Variants in ELAVL4 observed in about 807,000 individuals in gnomAD.
The protein encoded by ELAVL4 is ELAV like RNA binding protein 4.
A neutral mutation model predicts 35.6 loss-of-function variants in ELAVL4; 1 was observed. The observed-to-expected ratio is 0.03, with a 90% CI of 0.01 to 0.13. The LOEUF (loss-of-function observed/expected upper bound fraction) is 0.13, where lower values mean the gene tolerates loss of function less well. Ranked by LOEUF, ELAVL4 falls within the 10% of genes least tolerant of loss-of-function variation. The pLI is 1.00. For synonymous variants in ELAVL4, 156 were observed against 171.0 expected (o/e 0.91, Z 0.69); for missense variants, 267 against 464.9 (o/e 0.57, Z 3.91).
At chr1:50,181,421 T>A (rs187777617) in intron 3 of ELAVL4, 1 of 152,440 alleles carries the variant, frequency 6.6e-6, no homozygotes, top group African/African-American at 2.4e-5. Context: ...CTGTGCTAGG[T>A]CCTCGGATTT....
At chr1:50,174,845 G>A (rs1679708580) in intron 2 of ELAVL4, 1 of 152,082 alleles carries the variant, frequency 6.6e-6, no homozygotes, top group African/African-American at 2.4e-5. Flanking sequence ...AGTGTGTCAG[G>A]AGCATGTACC....
intron 3 of ELAVL4, among the ~76,000 whole-genome samples, chr1:50,189,016 G>A (rs1682258859): frequency 6.6e-6 from 1 of 152,128 alleles, no homozygotes; most frequent in Non-Finnish European, 1.5e-5. Context: ...CCCAGGGCCT[G>A]GCACATAGTA....
intron 1 of ELAVL4, among the ~76,000 whole-genome samples, chr1:50,062,036 G>C (rs903540020): frequency 3.3e-5 from 5 of 152,180 alleles, no homozygotes; most frequent in Non-Finnish European, 7.3e-5. Context: ...AGGTGTCACA[G>C]CCAAGTGAGT....
chr1:50,167,535 C>A (rs1414070652), intron 2 of ELAVL4, among the ~76,000 whole-genome samples: 1 of 152,166 alleles, frequency 6.6e-6, no homozygotes, highest in Non-Finnish European at 1.5e-5. Flanking sequence ...CGGCTAATCA[C>A]CCCGAGGAAT....
At chr1:50,113,830 A>G (rs1320888620) in intron 1 of ELAVL4, among the ~76,000 whole-genome samples, 2 of 152,070 alleles carry the variant, frequency 1.3e-5, no homozygotes, top group Non-Finnish European at 2.9e-5. Flanking sequence ...AGAAGCAGAG[A>G]GACTCTGTGT....
intron 2 of ELAVL4, chr1:50,174,400 G>A (rs1679598257): frequency 6.6e-6 from 1 of 151,882 alleles, no homozygotes; most frequent in Non-Finnish European, 1.5e-5. Context: ...TTCTGTTTTA[G>A]AGCTTGAAGT....
At chr1:50,114,502 A>C (rs1465459275) in intron 1 of ELAVL4, among the ~76,000 whole-genome samples, 1 of 152,104 alleles carries the variant, frequency 6.6e-6, no homozygotes, top group Non-Finnish European at 1.5e-5. Context: ...GGGAGTCACA[A>C]GCAGTAATTG....
intron 3 of ELAVL4, chr1:50,180,569 A>C (rs1680870033): frequency 6.6e-6 from 1 of 152,206 alleles, no homozygotes. Context: ...GAAGCATGCA[A>C]TCTAGGCATC....
At chr1:50,172,481 C>T (rs1347035404) in intron 2 of ELAVL4, among the ~76,000 whole-genome samples, 4 of 152,058 alleles carry the variant, frequency 2.6e-5, no homozygotes, top group African/African-American at 4.8e-5. Context: ...TGATCTAGAT[C>T]GGAAGATAAC....
intron 1 of ELAVL4, among the ~76,000 whole-genome samples, chr1:50,096,450 G>T (rs113095791): frequency 1.3e-5 from 2 of 149,866 alleles, no homozygotes; most frequent in South Asian, 4.3e-4. Flanking sequence ...GAGAATAGAT[G>T]GTCATATCTA....
At chr1:50,059,523 TA>T (rs974650608) in intron 1 of ELAVL4, among the ~76,000 whole-genome samples, 5 of 150,724 alleles carry the variant, frequency 3.3e-5, no homozygotes, top group African/African-American at 9.8e-5. Context: ...GGCTATGATT[TA>T]AAAAAAAAGT....
At position 50,098,243 on chromosome 1, in the gene ELAVL4, C is replaced by A. The variant is rs1305734612; in HGVS notation, c.19-46714C>A. Among the ~76,000 whole-genome samples the A allele has an allele frequency of 2.6e-5, 4 of 152,264 alleles. No homozygotes were observed. In the East Asian group the frequency reaches 7.7e-4, roughly 29 times the overall value. ...TAGTAAATACTCTTTATTCACTCTT[C>A]TCAGTAAGGGAGGAATAGCAAGTGG... On this transcript the variant is annotated intron_variant, in intron 1 of 6. Coordinates refer to the ELAVL4 transcript ENST00000448907.
At chr1:50,125,752 T>C (rs530272001) in intron 1 of ELAVL4, among the ~76,000 whole-genome samples, 1 of 152,196 alleles carries the variant, frequency 6.6e-6, no homozygotes, top group Non-Finnish European at 1.5e-5. Context: ...TCCTGATGGC[T>C]CCTTGCAGGA....
intron 1 of ELAVL4, among the ~76,000 whole-genome samples, chr1:50,115,719 A>G (rs1383406636): frequency 6.6e-6 from 1 of 152,118 alleles, no homozygotes; most frequent in African/African-American, 2.4e-5. Context: ...TCTATGAGTT[A>G]TCCTTTAGCC....
upstream of ELAVL4, among the ~76,000 whole-genome samples, chr1:50,101,281 G>A (rs991821088): frequency 2.0e-5 from 3 of 152,060 alleles, no homozygotes; most frequent in Admixed American, 6.5e-5. Flanking sequence ...GTTTTTTCAG[G>A]TTTAAAAGAG....
chr1:50,067,114 A>G (rs985741045), intron 1 of ELAVL4, among the ~76,000 whole-genome samples: 1 of 152,158 alleles, frequency 6.6e-6, no homozygotes, highest in Non-Finnish European at 1.5e-5. Flanking sequence ...CCCCTCCCCA[A>G]GAAATTGACA....
At chr1:50,104,142 A>G, upstream of ELAVL4, 2 of 861,690 alleles carry the variant, frequency 2.3e-6, no homozygotes, top group Non-Finnish European at 1.9e-6. Flanking sequence ...GTGCAGCTTC[A>G]TACAGTAGTG....
chr1:50,108,859 A>G (rs1557708329), upstream of ELAVL4: 3 of 1,011,664 alleles, frequency 3.0e-6, no homozygotes, highest in African/African-American at 1.7e-5. Context: ...TCCCCAGCCA[A>G]TCAGATCCAG....
chr1:50,087,109 T>C (rs1251254451), intron 1 of ELAVL4, among the ~76,000 whole-genome samples: 2 of 152,220 alleles, frequency 1.3e-5, no homozygotes, highest in African/African-American at 4.8e-5. Flanking sequence ...ATCTACTTCA[T>C]CATTTATTAT....
Sources: gnomAD v4.1 joint callset for allele counts (sites outside exome capture counted in the v4.1 genomes callset) on GRCh38, gnomAD v4.1.1 for gene constraint, MANE v1.5 for transcripts, NCBI Gene and HGNC (gene_info 2026-07-23, HGNC 2026-07-21) for gene names.